Variants in RIF1 observed in about 807,000 individuals in gnomAD.
The protein encoded by RIF1 is replication timing regulatory factor 1.
RIF1 carries 45 observed loss-of-function variants against 247.1 expected under a neutral mutation model. That is an observed-to-expected ratio of 0.18 (90% CI 0.14 to 0.23). The LOEUF (loss-of-function observed/expected upper bound fraction) is 0.23. RIF1 is among the 10% of genes least tolerant of loss of function. RIF1 has a pLI of 1.00. For missense variants in RIF1, 2,967 were observed against 2,862.5 expected (o/e 1.04, Z -0.83); for synonymous variants, 1,087 against 978.8 (o/e 1.11, Z -2.06).
chr2:151,461,939 T>G lies in RIF1; in HGVS notation c.3228-303T>G, dbSNP rs184027197. ...CCCAGGCTGGAGTGCAGTGGCATGA[T>G]CTCTGCTCACTGCAGTCTCTGCCTC... On this transcript the variant is annotated intron_variant, in intron 27 of 35. Coordinates refer to ENST00000444746, the MANE Select transcript of RIF1 (RefSeq NM_018151.5). Among the ~76,000 whole-genome samples, 17 of 151,966 alleles carry G rather than the reference T, an allele frequency of 1.1e-4. No homozygotes were observed. The East Asian group carries it at 3.1e-3, about 28-fold the overall frequency.
chr2:151,468,401 T>C, intron 31 of RIF1, 73 bp from the exon 32 acceptor site: 1 of 1,225,812 alleles, frequency 8.2e-7, no homozygotes, highest in Non-Finnish European at 1.2e-6. Context: ...GATTGCAGTC[T>C]AAGTTGTAAA....
At chr2:151,467,373 TA>T (rs1284262161) in intron 30 of RIF1, among the ~76,000 whole-genome samples, 2 of 152,188 alleles carry the variant, frequency 1.3e-5, no homozygotes, top group Non-Finnish European at 2.9e-5. Context: ...GATGGAGTCT[TA>T]CTCTGTCTGT....
the RIF1 span, among the ~76,000 whole-genome samples, chr2:151,533,873 A>C: frequency 6.6e-6 from 1 of 152,154 alleles, no homozygotes; most frequent in Non-Finnish European, 1.5e-5. Flanking sequence ...CCTTCCATTA[A>C]TTTTTGTTTG....
At chr2:151,499,429 A>C in exon 11 of RIF1, 1 of 1,128,472 alleles carries the variant, frequency 8.9e-7, no homozygotes, top group Non-Finnish European at 1.3e-6. Flanking sequence ...AAACAAGAGC[A>C]GTCAAAACAG....
chr2:151,438,586 T>A, intron 13 of RIF1, 98 bp from the exon 14 acceptor site: 1 of 772,502 alleles, frequency 1.3e-6, no homozygotes, highest in Non-Finnish European at 2.3e-6. Context: ...ATTGTTCAAT[T>A]TATTTGTTTA....
At chr2:151,469,655 A>G in intron 33 of RIF1, 56 bp from the exon 34 acceptor site, 5 of 1,293,374 alleles carry the variant, frequency 3.9e-6, no homozygotes, top group Non-Finnish European at 5.1e-6. Flanking sequence ...AAACCCTTGC[A>G]AATAGCATAT....
chr2:151,413,085 G>A (rs1168654512), intron 3 of RIF1, among the ~76,000 whole-genome samples: 1 of 146,546 alleles, frequency 6.8e-6, no homozygotes, highest in Admixed American at 6.8e-5. Context: ...TGCTCTTGTT[G>A]CCCAGGCTGG....
At chr2:151,526,878 T>A in the RIF1 span, 2 of 1,371,400 alleles carry the variant, frequency 1.5e-6, no homozygotes, top group Non-Finnish European at 2.0e-6. Context: ...AAGATGGCCC[T>A]GAGTGAGGTT....
At chr2:151,514,483 T>C in the RIF1 span, 3 of 1,334,400 alleles carry the variant, frequency 2.2e-6, no homozygotes, top group South Asian at 2.4e-5. Context: ...ATTGATTCTC[T>C]CAGGCAAAGA....
chr2:151,465,225 A>T lies in RIF1; in HGVS notation c.5705A>T (p.Asn1902Ile). Reference protein sequence around the residue: ...LSLENVTVEGNACKVTESNLE... With the variant: ...LSLENVTVEGIACKVTESNLE... ...CTAGAGAATGTTACTGTTGAAGGAA[A>T]TGCATGTAAAGTAACAGAATCCAAT... Residue 1902 changes from asparagine to isoleucine, a missense_variant, in exon 30 of 36, where the codon AAT becomes ATT. Around this residue, in one of 7 missense-constraint regions of RIF1, gnomAD observed 2,028 missense variants for 1,825.6 expected, o/e 1.11. Transcript: ENST00000444746. 6.2e-7 allele frequency: 1 copy of T among 1,610,858 alleles called. No homozygotes were observed. Among genetic ancestry groups the T allele is most frequent in the Non-Finnish European group, 8.5e-7 (1 of 1,179,336 alleles).
rs1695863121 is a variant in RIF1 at position 151,459,907 on chromosome 2, A to G, written c.2956-93A>G. The G allele has an allele frequency of 2.9e-6, 3 of 1,028,562 alleles. No homozygotes were observed. The East Asian group carries it at 8.4e-5, about 29-fold the overall frequency. The allele number at this position is 1,028,562 out of a possible 1,614,324, so 63.7% of individuals were successfully genotyped here. On this transcript the variant is annotated intron_variant, in intron 25 of 35. Coordinates refer to ENST00000444746, the MANE Select transcript of RIF1 (RefSeq NM_018151.5). ...TAGAAAAATTTTGACAATATTTGCAATTACTATTTATTAGGAATTTTCAAA... is the reference window on the plus strand; with the variant it reads ...TAGAAAAATTTTGACAATATTTGCAGTTACTATTTATTAGGAATTTTCAAA...
chr2:151,431,479 T>C (rs1026008695), intron 9 of RIF1, among the ~76,000 whole-genome samples: 4 of 152,212 alleles, frequency 2.6e-5, no homozygotes, highest in African/African-American at 4.8e-5. Flanking sequence ...TGTAGAGATA[T>C]TATTATGGAG....
At chr2:151,424,379 G>A (rs919271722) in intron 8 of RIF1, among the ~76,000 whole-genome samples, 3 of 152,162 alleles carry the variant, frequency 2.0e-5, no homozygotes, top group African/African-American at 4.8e-5. Flanking sequence ...TGGGATTATA[G>A]GCGTGAGCCA....
rs1322587042 is a variant in RIF1, at chr2:151,424,843, TTTTTTTTTTTTTTC to T, written c.786+1802_786+1815del. ...CCGGCTGATTTTTTTTTTTTTTTTT[TTTTTTTTTTTTTTC>T]CATATTTTTTGTAGAGACTGGGTTT... On this transcript the variant is annotated intron_variant, in intron 8 of 35. Coordinates refer to ENST00000444746, the MANE Select transcript of RIF1 (RefSeq NM_018151.5). Among the ~76,000 whole-genome samples, 312 of 142,370 alleles carry T rather than the reference TTTTTTTTTTTTTTC, an allele frequency of 2.2e-3. 7 individuals carry two copies. The East Asian group carries it at 0.046, about 21-fold the overall frequency. 93.4% of individuals were successfully genotyped at this position (142,370 alleles called of 152,430 possible).
intron 6 of RIF1, among the ~76,000 whole-genome samples, chr2:151,419,121 T>C (rs1687732930): frequency 6.6e-6 from 1 of 151,980 alleles, no homozygotes; most frequent in Non-Finnish European, 1.5e-5. Context: ...GTAACATGCA[T>C]GGAGCTGTCA....
chr2:151,494,389 G>GTA (rs57832702), intron 9 of RIF1: 210,595 of 654,452 alleles, frequency 0.32, 35,505 homozygotes, highest in African/African-American at 0.42. Context: ...ATGGAAAGTA[G>GTA]TATGTTTCCT....
intron 21 of RIF1, 102 bp from the exon 22 acceptor site, chr2:151,454,793 A>G (rs1694926469): frequency 5.1e-6 from 4 of 786,498 alleles, no homozygotes; most frequent in Non-Finnish European, 7.9e-6. Context: ...CATGTATTTG[A>G]TGTATCTAAC....
chr2:151,428,526 G>C (rs1417128885), intron 8 of RIF1, among the ~76,000 whole-genome samples: 4 of 152,044 alleles, frequency 2.6e-5, no homozygotes, highest in African/African-American at 4.8e-5. Flanking sequence ...TACATTGTCT[G>C]CTTCTTCAAA....
At chr2:151,501,493 C>A in intron 11 of RIF1, 1 of 1,434,218 alleles carries the variant, frequency 7.0e-7, no homozygotes, top group Non-Finnish European at 9.3e-7. Context: ...TCTGTGTGCA[C>A]AAAACCAACA....
Sources: gnomAD v4.1 joint callset for allele counts (sites outside exome capture counted in the v4.1 genomes callset) on GRCh38, gnomAD v4.1.1 for gene constraint, gnomAD v4.1.1 regional missense constraint, MANE v1.5 for transcripts, NCBI Gene and HGNC (gene_info 2026-07-23, HGNC 2026-07-21) for gene names.